The following CDK19 variants were observed in gnomAD, a reference collection of about 807,000 sequenced individuals.
CDK19 encodes cyclin dependent kinase 19, also known as cyclin-dependent kinase 19.
A neutral mutation model predicts 68.3 loss-of-function variants in CDK19; 20 were observed. The ratio of observed to expected loss-of-function variants is 0.29; its 90% CI spans 0.21 to 0.43. The LOEUF is 0.43. Ranked by LOEUF, CDK19 falls within the 20% of genes least tolerant of loss-of-function variation. CDK19 has a pLI of 1.00. For synonymous variants in CDK19, 221 were observed against 222.8 expected (o/e 0.99, Z 0.07); for missense variants, 339 against 623.5 (o/e 0.54, Z 4.86).
At chr6:110,668,009 T>C (rs1342397533) in intron 3 of CDK19, among the ~76,000 whole-genome samples, 1 of 152,214 alleles carries the variant, frequency 6.6e-6, no homozygotes, top group East Asian at 1.9e-4. Context: ...TTGGAAAAGT[T>C]TCATCTTTGG....
At chr6:110,762,959 T>C (rs1779327793) in intron 1 of CDK19, among the ~76,000 whole-genome samples, 1 of 152,230 alleles carries the variant, frequency 6.6e-6, no homozygotes, top group South Asian at 2.1e-4. Context: ...CTGACTTCAC[T>C]GGCTATCTGC....
intron 2 of CDK19, among the ~76,000 whole-genome samples, chr6:110,728,714 A>G (rs745369007): frequency 2.0e-5 from 3 of 152,060 alleles, no homozygotes; most frequent in African/African-American, 2.4e-5. Context: ...TCATCACTTC[A>G]GGCACACCAG....
chr6:110,804,619 A>T (rs1029653738), intron 1 of CDK19, among the ~76,000 whole-genome samples: 2 of 147,712 alleles, frequency 1.4e-5, no homozygotes, highest in African/African-American at 4.9e-5. Context: ...GTGCTGGGAT[A>T]ACAGGCGTGA....
intron 4 of CDK19, among the ~76,000 whole-genome samples, chr6:110,642,125 A>G (rs1047273923): frequency 6.6e-6 from 1 of 151,888 alleles, no homozygotes; most frequent in African/African-American, 2.4e-5. Flanking sequence ...ACATGGTGAA[A>G]CCCCGTCTCT....
intron 2 of CDK19, among the ~76,000 whole-genome samples, chr6:110,743,747 C>T (rs1258889605): frequency 1.3e-5 from 2 of 152,158 alleles, no homozygotes; most frequent in Non-Finnish European, 2.9e-5. Context: ...TTCCCTGGCA[C>T]ATAGAAGTCT....
At chr6:110,798,500 T>C (rs574276658) in intron 1 of CDK19, among the ~76,000 whole-genome samples, 61 of 151,660 alleles carry the variant, frequency 4.0e-4, no homozygotes, top group Non-Finnish European at 8.0e-4. Context: ...GGCAGGCACC[T>C]GTAATCCCAG....
At chr6:110,665,468 C>G (rs1244510138) in intron 4 of CDK19, among the ~76,000 whole-genome samples, 1 of 152,108 alleles carries the variant, frequency 6.6e-6, no homozygotes, top group Non-Finnish European at 1.5e-5. Context: ...CCTGGGCATA[C>G]TAAATTTTGG....
chr6:110,674,804 A>G lies in CDK19; in HGVS notation c.205-4263T>C, dbSNP rs1771348621. Among the ~76,000 whole-genome samples the G allele has an allele frequency of 2.0e-5, 3 of 151,882 alleles. No individual in the cohort carries two copies. The South Asian group carries it at 6.2e-4, about 32-fold the overall frequency. On this transcript the variant is annotated intron_variant, in intron 2 of 12. Transcript: ENST00000368911. ...GTAATGCTAGCTACTCGAGAGGCTG[A>G]GGCAGGAGAATCACTTGAACCCAGG...
At chr6:110,769,146 C>CT (rs1255528372) in intron 1 of CDK19, among the ~76,000 whole-genome samples, 2 of 96,534 alleles carry the variant, frequency 2.1e-5, no homozygotes, top group Non-Finnish European at 3.7e-5. Context: ...CAGAGAGACT[C>CT]TGTCTCAAAA....
rs9374197 is a variant in CDK19 at position 110,728,147 on chromosome 6, G to A, written c.204+17979C>T. 0.022 allele frequency among the ~76,000 whole-genome samples: 3,295 copies of A among 152,066 alleles called. 359 individuals carry two copies. The East Asian group carries it at 0.35, about 16-fold the overall frequency. On this transcript the variant is annotated intron_variant, in intron 2 of 12. Coordinates refer to ENST00000368911, the MANE Select transcript of CDK19 (RefSeq NM_015076.5). ...TACTAAAAATACAAAAATTAGCCGGGCATGGTGGCGTGCACCTGTAATCCT... is the reference window on the plus strand; with the variant it reads ...TACTAAAAATACAAAAATTAGCCGGACATGGTGGCGTGCACCTGTAATCCT...
At chr6:110,674,594 G>A (rs931461266) in intron 2 of CDK19, among the ~76,000 whole-genome samples, 1 of 152,170 alleles carries the variant, frequency 6.6e-6, no homozygotes, top group African/African-American at 2.4e-5. Context: ...GATTAAACTA[G>A]CTGCAACATT....
At chr6:110,708,314 T>C (rs1774683495) in intron 2 of CDK19, among the ~76,000 whole-genome samples, 1 of 152,192 alleles carries the variant, frequency 6.6e-6, no homozygotes, top group African/African-American at 2.4e-5. Context: ...TTCAGCCTGA[T>C]ATTGGAGCCC....
chr6:110,647,876 T>C (rs956577879), intron 4 of CDK19, among the ~76,000 whole-genome samples: 2 of 152,100 alleles, frequency 1.3e-5, no homozygotes, highest in African/African-American at 4.8e-5. Flanking sequence ...GTTGTAAAAA[T>C]ATTAAACAAA....
intron 4 of CDK19, chr6:110,645,869 T>A (rs1467556406): frequency 5.8e-6 from 4 of 690,714 alleles, no homozygotes; most frequent in Non-Finnish European, 1.0e-5. Flanking sequence ...TCGAAGAGAC[T>A]ATCGTAGACG....
At chr6:110,784,037 T>A (rs1007434472) in intron 1 of CDK19, among the ~76,000 whole-genome samples, 8 of 150,868 alleles carry the variant, frequency 5.3e-5, no homozygotes, top group African/African-American at 1.7e-4. Context: ...TGCACACTTG[T>A]AATATCAGCT....
chr6:110,734,767 A>G (rs1777110633), intron 2 of CDK19, among the ~76,000 whole-genome samples: 1 of 151,850 alleles, frequency 6.6e-6, no homozygotes. Flanking sequence ...AGTGTTGAAA[A>G]TGGCTTTCTT....
intron 2 of CDK19, among the ~76,000 whole-genome samples, chr6:110,735,984 C>T (rs897230327): frequency 2.0e-5 from 3 of 152,302 alleles, no homozygotes; most frequent in Non-Finnish European, 2.9e-5. Context: ...AACTGCTGCA[C>T]GGCATACTCC....
At chr6:110,638,751 T>C (rs1779943061) in intron 4 of CDK19, 45 bp from the exon 5 acceptor site, 1 of 1,013,780 alleles carries the variant, frequency 9.9e-7, no homozygotes, top group African/African-American at 1.6e-5. Context: ...TTTATTCTTT[T>C]GACATGCTCT....
chr6:110,808,801 A>G (rs1367701054), intron 1 of CDK19, among the ~76,000 whole-genome samples: 1 of 152,230 alleles, frequency 6.6e-6, no homozygotes, highest in Non-Finnish European at 1.5e-5. Flanking sequence ...AATAGCTAGT[A>G]AAAGCACAGA....
Sources: gnomAD v4.1 joint callset for allele counts (sites outside exome capture counted in the v4.1 genomes callset) on GRCh38, gnomAD v4.1.1 for gene constraint, MANE v1.5 for transcripts, NCBI Gene and HGNC (gene_info 2026-07-23, HGNC 2026-07-21) for gene names.